Variants in NBEA observed in about 807,000 individuals in gnomAD.
NBEA encodes lysosomal-trafficking regulator 2.
NBEA carries 44 observed loss-of-function variants against 343.4 expected under a neutral mutation model. The observed-to-expected ratio is 0.13, with a 90% CI of 0.10 to 0.16. NBEA has a LOEUF of 0.16. NBEA is among the 10% of genes least tolerant of loss of function. NBEA has a pLI of 1.00. For synonymous variants in NBEA, 1,175 were observed against 1,238.7 expected (o/e 0.95, Z 1.08); for missense variants, 2,555 against 3,631.3 (o/e 0.70, Z 7.62).
At chr13:35,191,478 A>G (rs2072190469) in intron 30 of NBEA, among the ~76,000 whole-genome samples, 2 of 152,132 alleles carry the variant, frequency 1.3e-5, no homozygotes, top group South Asian at 2.1e-4. Flanking sequence ...TAGTGTAGCA[A>G]GCAAACAAAA....
At position 35,251,270 on chromosome 13, in the gene NBEA, G is replaced by A. The variant is rs117094122; in HGVS notation, c.5776+18651G>A. On this transcript the variant is annotated intron_variant, in intron 34 of 58. Coordinates refer to ENST00000379939, the MANE Select transcript of NBEA (RefSeq NM_001385012.1). ...TCAACCATGCAGTATGCCAGTCGTCGCTGGTAGCAGATTCATAGTATGCCA... is the reference window on the plus strand; with the variant it reads ...TCAACCATGCAGTATGCCAGTCGTCACTGGTAGCAGATTCATAGTATGCCA... The A allele has an allele frequency of 9.0e-3, 4,179 of 465,360 alleles. 28 individuals are homozygous for A. The highest frequency in any genetic ancestry group is 0.011 in the Non-Finnish European group (3,657 of 337,020). The allele number at this position is 465,360 out of a possible 1,614,324, so 28.8% of individuals were successfully genotyped here.
chr13:35,657,117 A>G (rs2084847599), intron 55 of NBEA, among the ~76,000 whole-genome samples: 1 of 152,226 alleles, frequency 6.6e-6, no homozygotes, highest in Non-Finnish European at 1.5e-5. Flanking sequence ...GCCCCATCAT[A>G]GTACAGGAGA....
At chr13:35,455,777 AATAAAG>A (rs546752683) in intron 40 of NBEA, among the ~76,000 whole-genome samples, 18 of 152,228 alleles carry the variant, frequency 1.2e-4, no homozygotes, top group South Asian at 6.2e-4. Context: ...CAATTTTGGA[AATAAAG>A]ATAAAGAGGT....
intron 22 of NBEA, among the ~76,000 whole-genome samples, chr13:35,161,084 G>T (rs2069522362): frequency 6.6e-6 from 1 of 152,004 alleles, no homozygotes. Flanking sequence ...TTCCATTTTT[G>T]TGGCAGTTGC....
intron 30 of NBEA, 124 bp from the exon 31 acceptor site, chr13:35,195,740 C>T (rs561271534): frequency 7.4e-6 from 6 of 809,314 alleles, no homozygotes; most frequent in South Asian, 3.8e-5. Flanking sequence ...TATGCACATC[C>T]GTTTAGCAAT....
chr13:35,379,993 A>C (rs1004443205), intron 38 of NBEA, among the ~76,000 whole-genome samples: 1 of 152,170 alleles, frequency 6.6e-6, no homozygotes, highest in African/African-American at 2.4e-5. Context: ...CAGCATGCCA[A>C]TTTCTGCAAA....
chr13:35,035,249 T>G (rs977134854), intron 1 of NBEA, among the ~76,000 whole-genome samples: 1 of 152,036 alleles, frequency 6.6e-6, no homozygotes, highest in Non-Finnish European at 1.5e-5. Flanking sequence ...ATTTTCAATT[T>G]CCTTCTTAAT....
At chr13:35,471,556 T>G (rs2075649922) in intron 40 of NBEA, among the ~76,000 whole-genome samples, 1 of 152,152 alleles carries the variant, frequency 6.6e-6, no homozygotes, top group Non-Finnish European at 1.5e-5. Flanking sequence ...ACAGAAAACA[T>G]TTAGGTAATA....
At chr13:35,651,919 T>TG in intron 53 of NBEA, 43 bp downstream of exon 53, 1 of 1,016,950 alleles carries the variant, frequency 9.8e-7, no homozygotes, top group African/African-American at 1.6e-5. Context: ...ATACTATCCA[T>TG]ATATTCATAT....
At chr13:35,464,373 C>T (rs2047062773) in intron 40 of NBEA, among the ~76,000 whole-genome samples, 1 of 152,136 alleles carries the variant, frequency 6.6e-6, no homozygotes, top group Non-Finnish European at 1.5e-5. Context: ...CCAAACTATT[C>T]CCCCTTGCTC....
intron 41 of NBEA, among the ~76,000 whole-genome samples, chr13:35,489,262 A>G (rs2076416135): frequency 6.6e-6 from 1 of 151,810 alleles, no homozygotes; most frequent in African/African-American, 2.4e-5. Flanking sequence ...GAGCTGCCCC[A>G]TCTGTTTCAT....
chr13:35,211,855 C>G lies in NBEA; in HGVS notation c.5648+676C>G, dbSNP rs188438247. 5.3e-3 allele frequency among the ~76,000 whole-genome samples: 806 copies of G among 151,938 alleles called. 5 individuals are homozygous for G. The highest frequency in any genetic ancestry group is 0.016 in the South Asian group (78 of 4,824). On this transcript the variant is annotated intron_variant, in intron 33 of 58. Coordinates refer to ENST00000379939, the MANE Select transcript of NBEA (RefSeq NM_001385012.1). ...ATAAATAAACAAATAAACAAACAAA[C>G]TAAGTAACTTTCAAAATAAATCTAC... is the stretch of plus-strand genomic sequence containing the variant.
chr13:35,219,512 C>G (rs1234548466), intron 33 of NBEA, among the ~76,000 whole-genome samples: 1 of 152,056 alleles, frequency 6.6e-6, no homozygotes, highest in Non-Finnish European at 1.5e-5. Context: ...TTTAGAGAAA[C>G]AGATTAAATA....
intron 11 of NBEA, among the ~76,000 whole-genome samples, chr13:35,099,025 C>CTT (rs35150346): frequency 0.019 from 2,434 of 125,822 alleles, 50 homozygotes; most frequent in South Asian, 0.066. Context: ...TTCACTTAGA[C>CTT]TTTTTTTTTT....
At chr13:35,185,157 G>A (rs576530554) in intron 30 of NBEA, 1 of 152,270 alleles carries the variant, frequency 6.6e-6, no homozygotes, top group Non-Finnish European at 1.5e-5. Context: ...CTTAGATGGA[G>A]GAGCAAGGAC....
At chr13:35,325,137 T>G (rs1407266834) in intron 36 of NBEA, among the ~76,000 whole-genome samples, 1 of 151,940 alleles carries the variant, frequency 6.6e-6, no homozygotes, top group East Asian at 1.9e-4. Flanking sequence ...AGTATGAAAA[T>G]TTTACATATT....
chr13:35,503,543 T>G (rs2076968052), intron 41 of NBEA, among the ~76,000 whole-genome samples: 1 of 151,950 alleles, frequency 6.6e-6, no homozygotes, highest in South Asian at 2.1e-4. Flanking sequence ...AAACATTTTT[T>G]GATATTTTCT....
intron 45 of NBEA, among the ~76,000 whole-genome samples, chr13:35,573,425 G>A (rs1464746068): frequency 6.6e-6 from 1 of 152,138 alleles, no homozygotes; most frequent in Admixed American, 6.6e-5. Flanking sequence ...ACCAAGAAAA[G>A]TGCAACTAAA....
chr13:35,000,221 G>A (rs1213321282), intron 1 of NBEA, among the ~76,000 whole-genome samples: 1 of 152,020 alleles, frequency 6.6e-6, no homozygotes, highest in Non-Finnish European at 1.5e-5. Flanking sequence ...TAGCAAGAAG[G>A]GCAATGAACC....
Sources: gnomAD v4.1 joint callset for allele counts (sites outside exome capture counted in the v4.1 genomes callset) on GRCh38, gnomAD v4.1.1 for gene constraint, MANE v1.5 for transcripts, NCBI Gene and HGNC (gene_info 2026-07-23, HGNC 2026-07-21) for gene names.